The following CCDC125 variants were observed in gnomAD, a reference collection of about 807,000 sequenced individuals.
The protein encoded by CCDC125 is coiled-coil domain-containing protein 125.
In CCDC125, 43 loss-of-function variants were observed where a neutral mutation model predicts 57.4. The observed-to-expected ratio is 0.75, with a 90% confidence interval of 0.59 to 0.97. CCDC125 has a LOEUF of 0.97. Ranked by LOEUF, CCDC125 falls within the 50% of genes least tolerant of loss-of-function variation. CCDC125 has a pLI of 0.00. For missense variants in CCDC125, 563 were observed against 595.7 expected (o/e 0.95, Z 0.57); for synonymous variants, 187 against 195.2 (o/e 0.96, Z 0.35).
Position 69,292,302 on chromosome 5 carries a change from CAA to C in CCDC125, c.983_984del (p.Ile328SerfsTer3). ...TTTCTCATTAATTGTTGCTCAAATG[CAA>C]TTCTGAAAGCATCTGCCATCACGTA... is the stretch of plus-strand genomic sequence containing the variant. ...EAYVMADAFR[I>X]AFEQQLMRKN... is the part of the protein sequence containing the mutation. On this transcript the variant is annotated frameshift_variant, in exon 10 of 12. Coordinates refer to ENST00000396496, the MANE Select transcript of CCDC125 (RefSeq NM_176816.5). LOFTEE classifies it high-confidence loss of function. 6.2e-7 allele frequency: 1 copy of C among 1,613,822 alleles called. No individual in the cohort carries two copies. Among genetic ancestry groups the C allele is most frequent in the Non-Finnish European group, 8.5e-7 (1 of 1,179,882 alleles).
chr5:69,297,347 A>ATTTATTTATTTATT (rs1755527147), intron 8 of CCDC125, among the ~76,000 whole-genome samples: 1 of 150,870 alleles, frequency 6.6e-6, no homozygotes, highest in African/African-American at 2.4e-5. Context: ...GGCCTGTGCC[A>ATTTATTTATTTATT]TATTTATTTA....
At chr5:69,298,237 A>T (rs1755741524) in intron 8 of CCDC125, among the ~76,000 whole-genome samples, 1 of 151,842 alleles carries the variant, frequency 6.6e-6, no homozygotes, top group Non-Finnish European at 1.5e-5. Context: ...GATGGTCTTG[A>T]TCTCCTGACC....
chr5:69,311,600 C>T (rs901401490), intron 3 of CCDC125, among the ~76,000 whole-genome samples: 4 of 151,706 alleles, frequency 2.6e-5, no homozygotes, highest in African/African-American at 7.3e-5. Context: ...TGCAGTGAGC[C>T]GAGGCTGAGC....
chr5:69,314,100 C>CTAATTAAACA, intron 2 of CCDC125, 54 bp from the exon 3 acceptor site: 1 of 1,199,442 alleles, frequency 8.3e-7, no homozygotes, highest in Non-Finnish European at 1.2e-6. Flanking sequence ...AATATTTTAA[C>CTAATTAAACA]TAATTAAACA....
At chr5:69,278,434 C>T (rs570407108), downstream of CCDC125, among the ~76,000 whole-genome samples, 200 of 150,462 alleles carry the variant, frequency 1.3e-3, 1 homozygote, top group Middle Eastern at 3.5e-3. Flanking sequence ...AGGCTGGTCT[C>T]GAACTCCTGA....
At chr5:69,280,093 A>G (rs772953075), downstream of CCDC125, 1 of 152,104 alleles carries the variant, frequency 6.6e-6, no homozygotes, top group Non-Finnish European at 1.5e-5. Context: ...ACATGTGGGA[A>G]TTATGGGGAT....
intron 3 of CCDC125, 36 bp from the exon 4 acceptor site, chr5:69,311,240 A>G: frequency 8.0e-7 from 1 of 1,254,322 alleles, no homozygotes; most frequent in African/African-American, 1.5e-5. Context: ...TCCTATCTGC[A>G]AGATATGCAA....
chr5:69,316,323 G>C (rs994597483), intron 2 of CCDC125, among the ~76,000 whole-genome samples: 1 of 152,138 alleles, frequency 6.6e-6, no homozygotes, highest in Non-Finnish European at 1.5e-5. Flanking sequence ...ATCCAAGTGA[G>C]TCCAGTGTAC....
chr5:69,321,120 G>A (rs190888125), intron 1 of CCDC125, among the ~76,000 whole-genome samples: 1 of 152,186 alleles, frequency 6.6e-6, no homozygotes, highest in Non-Finnish European at 1.5e-5. Context: ...GCACAGCATG[G>A]TGAATATAAC....
chr5:69,292,606 C>T (rs557494693), intron 9 of CCDC125, among the ~76,000 whole-genome samples: 2 of 152,264 alleles, frequency 1.3e-5, no homozygotes, highest in South Asian at 4.1e-4. Flanking sequence ...AACCCCTGGA[C>T]CTCACTACCC....
At chr5:69,303,170 C>G (rs1020753444) in intron 7 of CCDC125, among the ~76,000 whole-genome samples, 1 of 152,084 alleles carries the variant, frequency 6.6e-6, no homozygotes, top group African/African-American at 2.4e-5. Flanking sequence ...CAGGCCAGTG[C>G]CACCACATCT....
At chr5:69,322,177 G>A (rs1181672909) in intron 1 of CCDC125, among the ~76,000 whole-genome samples, 1 of 151,198 alleles carries the variant, frequency 6.6e-6, no homozygotes, top group African/African-American at 2.4e-5. Context: ...GAGAGATGAG[G>A]TCTAACCATG....
At chr5:69,307,452 G>A (rs947287774) in intron 5 of CCDC125, among the ~76,000 whole-genome samples, 13 of 152,070 alleles carry the variant, frequency 8.5e-5, no homozygotes, top group African/African-American at 2.9e-4. Context: ...GGAGGCCAAG[G>A]TGGGTGGATT....
chr5:69,320,796 T>C (rs1377267046), intron 1 of CCDC125, among the ~76,000 whole-genome samples: 1 of 151,952 alleles, frequency 6.6e-6, no homozygotes, highest in South Asian at 2.1e-4. Flanking sequence ...GGTGTGTGTG[T>C]GTGTGTGTGT....
intron 5 of CCDC125, among the ~76,000 whole-genome samples, chr5:69,307,313 A>G (rs1209632117): frequency 6.6e-6 from 1 of 152,048 alleles, no homozygotes; most frequent in Non-Finnish European, 1.5e-5. Flanking sequence ...CTACCTTTAT[A>G]GTGAAGATGA....
At chr5:69,324,322 C>T (rs903395550) in intron 1 of CCDC125, among the ~76,000 whole-genome samples, 6 of 152,180 alleles carry the variant, frequency 3.9e-5, no homozygotes, top group South Asian at 2.1e-4. Context: ...TCCACCTCAC[C>T]GCACTGACAA....
chr5:69,331,051 C>T lies in CCDC125; in HGVS notation c.-41+1598G>A, dbSNP rs111587098. Among the ~76,000 whole-genome samples, 191 of 152,122 alleles carry T rather than the reference C, an allele frequency of 1.3e-3. 3 individuals carry two copies. The highest frequency in any genetic ancestry group is 4.3e-3 in the African/African-American group (180 of 41,526). Reference sequence around the variant, plus strand: ...GGCACAGTGGCTCACACATGTAATCCGAGCACTTTGGGAGGCTGAGGCGGG... The same window carrying T: ...GGCACAGTGGCTCACACATGTAATCTGAGCACTTTGGGAGGCTGAGGCGGG... On this transcript the variant is annotated intron_variant, in intron 1 of 11. Coordinates refer to ENST00000396496, the MANE Select transcript of CCDC125 (RefSeq NM_176816.5).
At position 69,282,927 on chromosome 5, in the gene CCDC125, A is replaced by G. The variant is rs1021184271; in HGVS notation, c.1338T>C (p.Asn446=). Reference sequence around the variant, plus strand: ...TGAAAGGGAAATTCTCTTTTATAGGATTTTTTTCTTTATTCTCGTTTGAAG... The same window carrying G: ...TGAAAGGGAAATTCTCTTTTATAGGGTTTTTTTCTTTATTCTCGTTTGAAG... ...DTASNENKEK[N]PIKENFPFNN... Residue 446 remains asparagine, a synonymous_variant, in exon 12 of 12, where the codon AAT becomes AAC. Transcript: ENST00000396496. The G allele has an allele frequency of 6.2e-7, 1 of 1,613,902 alleles. No individual in the cohort carries two copies. The highest frequency in any genetic ancestry group is 8.5e-7 in the Non-Finnish European group (1 of 1,179,972).
intron 1 of CCDC125, among the ~76,000 whole-genome samples, chr5:69,321,292 T>C (rs746710279): frequency 3.3e-5 from 5 of 152,048 alleles, no homozygotes; most frequent in Non-Finnish European, 7.4e-5. Context: ...CTCATAAATA[T>C]AGGCAGCCAT....
Sources: allele counts gnomAD v4.1 joint callset (sites outside exome capture counted in the v4.1 genomes callset), GRCh38; gene constraint gnomAD v4.1.1; transcripts MANE v1.5; gene names NCBI Gene and HGNC (gene_info 2026-07-23, HGNC 2026-07-21).